Variants in NPFF observed in about 807,000 individuals in gnomAD.
The protein encoded by NPFF is neuropeptide FF-amide peptide precursor.
Under a neutral mutation model 12.9 loss-of-function variants are expected in NPFF, and 14 were observed. The ratio of observed to expected loss-of-function variants is 1.09; its 90% CI spans 0.72 to 1.70. The LOEUF is 1.70. Ranked by LOEUF, NPFF falls within the 40% of genes most tolerant of loss-of-function variation. NPFF has a pLI of 0.00. For synonymous variants in NPFF, 56 were observed against 57.3 expected (o/e 0.98, Z 0.10); for missense variants, 140 against 135.7 (o/e 1.03, Z -0.16).
rs1427826459 is a variant in NPFF, at chr12:53,507,456, C to A, written c.19G>T (p.Ala7Ser). ...AACAGCAGCAGCACCAGCAGTGCAG[C>A]AGCCTGCCTAGAATCCATGCTGCCA... Reference protein sequence around the residue: MDSRQAAALLVLLLLID... With the variant: MDSRQASALLVLLLLID... The change falls in exon 1 of 3, where the codon GCT becomes TCT. Residue 7 changes from alanine (A) to serine (S), a missense_variant. By Grantham distance (99) the Ala-to-Ser change is moderately conservative (BLOSUM62 1). Transcript: ENST00000267017. 6.2e-7 allele frequency: 1 copy of A among 1,613,518 alleles called. No individual in the cohort carries two copies. Among genetic ancestry groups the A allele is most frequent in the East Asian group, 2.2e-5 (1 of 44,860 alleles).
In NPFF at chr12:53,507,108, G is replaced by T; in HGVS notation, c.137C>A (p.Ala46Asp). 6.2e-7 allele frequency: 1 copy of T among 1,614,084 alleles called. No individual in the cohort carries two copies. Among genetic ancestry groups the T allele is most frequent in the African/African-American group, 1.3e-5 (1 of 75,026 alleles). ...EDSEPLPPQDAQTSGSLLHYL... is the reference protein window; with the variant it reads ...EDSEPLPPQDDQTSGSLLHYL... The stretch of plus-strand genomic sequence containing the variant: ...GTGCAACAGTGACCCAGAGGTCTGG[G>T]CATCCTGTGGTGGGAGGGGTTCGCT... The change falls in exon 2 of 3, where the codon GCC becomes GAC. Residue 46 changes from alanine (A) to aspartate (D), a missense_variant. Physicochemically the swap from Ala to Asp is moderately radical, Grantham distance 126. Coordinates refer to ENST00000267017, the MANE Select transcript of NPFF (RefSeq NM_003717.4).
At chr12:53,507,298 A>C (rs778575336) in intron 1 of NPFF, 75 bp downstream of exon 1, 4 of 1,601,916 alleles carry the variant, frequency 2.5e-6, no homozygotes, top group Non-Finnish European at 3.4e-6. Context: ...CAGCCAGAGA[A>C]AGTATCAGAA....
chr12:53,506,946 T>C (rs1293769015), intron 2 of NPFF, 53 bp from the exon 3 acceptor site: 3 of 1,584,508 alleles, frequency 1.9e-6, no homozygotes, highest in Non-Finnish European at 2.6e-6. Context: ...CTAGCCCCCT[T>C]CCTTCTCCTC....
Position 53,507,039 on chromosome 12 carries a change from A to G in NPFF, c.206T>C (p.Phe69Ser), listed in dbSNP as rs369599292. 3.7e-6 allele frequency: 6 copies of G among 1,613,790 alleles called. No homozygotes were observed. In the African/African-American group the frequency reaches 6.7e-5, roughly 18 times the overall value. ...GACTCACCTCTGGGGCTGAAACAGG[A>G]AGGCTTGGCTCCGGCCAGGTCTCTC... is the stretch of plus-strand genomic sequence containing the variant. ...AMERPGRSQA[F>S]LFQPQRFGRN... is the part of the protein sequence containing the mutation. The change falls in exon 2 of 3, where the codon TTC becomes TCC. Residue 69 changes from phenylalanine (F) to serine (S), a missense_variant. Physicochemically the swap from Phe to Ser is radical, Grantham distance 155. Coordinates refer to ENST00000267017, the MANE Select transcript of NPFF (RefSeq NM_003717.4).
chr12:53,507,158 A>C lies in NPFF; in HGVS notation c.103-16T>G, dbSNP rs764516248. The C allele has an allele frequency of 6.2e-7, 1 of 1,612,688 alleles. No individual in the cohort carries two copies. The highest frequency in any genetic ancestry group is 1.7e-5 in the Admixed American group (1 of 59,916). On this transcript the variant is annotated splice_polypyrimidine_tract_variant and intron_variant, in intron 1 of 2. Coordinates refer to ENST00000267017, the MANE Select transcript of NPFF (RefSeq NM_003717.4). ...TGTCTTCCTCCTGTGCCAAGGGGGT[A>C]TCAGGGAAGGAAGATGGGCAAATAC...
At chr12:53,507,316 C>T in intron 1 of NPFF, 57 bp downstream of exon 1, 1 of 1,609,820 alleles carries the variant, frequency 6.2e-7, no homozygotes, top group Non-Finnish European at 8.5e-7. Context: ...GAACCTAGAG[C>T]ACAAGTCTCA....
Position 53,506,697 on chromosome 12 carries a change from C to T in NPFF, c.*79G>A, listed in dbSNP as rs1336112760. The stretch of plus-strand genomic sequence containing the variant: ...CACAGACACACATGGATTCAGAAGC[C>T]AGACAATTTTATTTGGGGGGCAAAC... On this transcript the variant is annotated 3_prime_UTR_variant, in exon 3 of 3. Transcript: ENST00000267017. 6.0e-6 allele frequency: 7 copies of T among 1,174,408 alleles called. No homozygotes were observed. In the South Asian group the frequency reaches 1.1e-4, roughly 18 times the overall value. 72.7% of individuals were successfully genotyped at this position (1,174,408 alleles called of 1,614,324 possible).
intron 1 of NPFF, 42 bp from the exon 2 acceptor site, chr12:53,507,184 C>T: frequency 6.2e-7 from 1 of 1,605,010 alleles, no homozygotes; most frequent in Non-Finnish European, 8.5e-7. Flanking sequence ...GGGCAAATAC[C>T]CTGGACACGT....
rs759454299 is a variant in NPFF at position 53,506,890 on chromosome 12, A to G, written c.228T>C (p.Phe76=). The change falls in exon 3 of 3, where the codon TTT becomes TTC. Residue 76 remains phenylalanine, a synonymous_variant. Coordinates refer to ENST00000267017, the MANE Select transcript of NPFF (RefSeq NM_003717.4). The stretch of plus-strand genomic sequence containing the variant: ...TCCAGGATCCCTGGGTATTTCTGCC[A>G]AACCTTAGGAAAGATTTGTCCTCAG... ...SQAFLFQPQR[F]GRNTQGSWRN... The G allele has an allele frequency of 2.5e-6, 4 of 1,587,034 alleles. No individual in the cohort carries two copies. The highest frequency in any genetic ancestry group is 3.4e-6 in the Non-Finnish European group (4 of 1,166,134).
chr12:53,507,166 A>G, intron 1 of NPFF, 24 bp from the exon 2 acceptor site: 1 of 1,611,790 alleles, frequency 6.2e-7, no homozygotes, highest in Non-Finnish European at 8.5e-7. Context: ...GTATCAGGGA[A>G]GGAAGATGGG....
chr12:53,507,337 A>C, intron 1 of NPFF, 36 bp downstream of exon 1: 1 of 1,613,384 alleles, frequency 6.2e-7, no homozygotes, highest in Non-Finnish European at 8.5e-7. Context: ...ACCGAAGTAG[A>C]GGCAATGGTG....
rs1944023803 is a variant in NPFF, at chr12:53,507,073, G to A, written c.172C>T (p.Gln58Ter). 4 of 1,613,990 alleles carry A rather than the reference G, an allele frequency of 2.5e-6. No homozygotes were observed. In the South Asian group the frequency reaches 4.4e-5, roughly 18 times the overall value. Residue 58 changes from glutamine (Q) to a stop codon, truncating the protein, a stop_gained, in exon 2 of 3, where the codon CAG becomes TAG. Transcript: ENST00000267017. LOFTEE classifies it high-confidence loss of function. The stretch of plus-strand genomic sequence containing the variant: ...CTCCGGCCAGGTCTCTCCATTGCCT[G>A]GAGCAGGTAGTGCAACAGTGACCCA... ...TSGSLLHYLLQAMERPGRSQA... is the reference protein window; with the variant it reads ...TSGSLLHYLL
At position 53,507,459 on chromosome 12, in the gene NPFF, C is replaced by G; in HGVS notation, c.16G>C (p.Ala6Pro). The G allele has an allele frequency of 6.2e-7, 1 of 1,613,462 alleles. No individual in the cohort carries two copies. Residue 6 changes from alanine (A) to proline (P), a missense_variant, in exon 1 of 3, where the codon GCT becomes CCT. Coordinates refer to ENST00000267017, the MANE Select transcript of NPFF (RefSeq NM_003717.4). MDSRQAAALLVLLLLI... is the reference protein window; with the variant it reads MDSRQPAALLVLLLLI... ...AGCAGCAGCACCAGCAGTGCAGCAG[C>G]CTGCCTAGAATCCATGCTGCCACCT...
rs1944012170 is a variant in NPFF, at chr12:53,506,870, G to A, written c.248C>T (p.Ser83Phe). The change falls in exon 3 of 3, where the codon TCC becomes TTC. Residue 83 changes from serine (S) to phenylalanine (F), a missense_variant. Ser to Phe is a radical substitution (Grantham distance 155). Coordinates refer to ENST00000267017, the MANE Select transcript of NPFF (RefSeq NM_003717.4). Reference protein sequence around the residue: ...PQRFGRNTQGSWRNEWLSPRA... With the variant: ...PQRFGRNTQGFWRNEWLSPRA... ...GGGACTCAGCCATTCATTCCTCCAG[G>A]ATCCCTGGGTATTTCTGCCAAACCT... is the stretch of plus-strand genomic sequence containing the variant. 1.2e-6 allele frequency: 2 copies of A among 1,600,546 alleles called. No homozygotes were observed. The highest frequency in any genetic ancestry group is 1.7e-6 in the Non-Finnish European group (2 of 1,172,994).
chr12:53,507,229 A>G, intron 1 of NPFF, 87 bp from the exon 2 acceptor site: 2 of 1,585,030 alleles, frequency 1.3e-6, no homozygotes, highest in Non-Finnish European at 1.7e-6. Context: ...TTCCAGGGGC[A>G]AGTGGTAGGA....
chr12:53,506,933 T>C, intron 2 of NPFF, 40 bp from the exon 3 acceptor site: 1 of 1,579,916 alleles, frequency 6.3e-7, no homozygotes. Context: ...CAGTCTCCCT[T>C]CTCTAGCCCC....
intron 1 of NPFF, 68 bp from the exon 2 acceptor site, chr12:53,507,210 G>T (rs1944028868): frequency 6.3e-7 from 1 of 1,591,266 alleles, no homozygotes; most frequent in Non-Finnish European, 8.6e-7. Flanking sequence ...ACAAGGGGAA[G>T]GGACTGGCTT....
rs1565905275 is a variant in NPFF at position 53,507,445 on chromosome 12, C to G, written c.30G>C (p.Leu10=). The G allele has an allele frequency of 6.2e-7, 1 of 1,613,724 alleles. No homozygotes were observed. ...CCCCGTCTATTAACAGCAGCAGCAC[C>G]AGCAGTGCAGCAGCCTGCCTAGAAT... is the stretch of plus-strand genomic sequence containing the variant. MDSRQAAAL[L]VLLLLIDGGC... Residue 10 remains leucine (L), a synonymous_variant, in exon 1 of 3, where the codon CTG becomes CTC. Transcript: ENST00000267017.
In NPFF at chr12:53,507,397, GCCT is replaced by G; in HGVS notation, c.75_77del (p.Gly26del). The stretch of plus-strand genomic sequence containing the variant: ...CCGCGGAGAGCTGGTCTTCCTGCTG[GCCT>G]CCTGGCCCTTCAGCACAGCCCCCGT... On this transcript the variant is annotated inframe_deletion, in exon 1 of 3. Transcript: ENST00000267017. The G allele has an allele frequency of 6.2e-7, 1 of 1,614,018 alleles. No homozygotes were observed. The highest frequency in any genetic ancestry group is 8.5e-7 in the Non-Finnish European group (1 of 1,179,988).
Sources: allele counts gnomAD v4.1 joint callset, GRCh38; gene constraint gnomAD v4.1.1; transcripts MANE v1.5; gene names NCBI Gene and HGNC (gene_info 2026-07-23, HGNC 2026-07-21).